The following EPHB2 variants were observed in gnomAD, a reference collection of about 807,000 sequenced individuals.
EPHB2 encodes the protein ephrin type-B receptor 2.
EPHB2 carries 18 observed loss-of-function variants against 96.4 expected under a neutral mutation model. The observed-to-expected ratio is 0.19, with a 90% CI of 0.13 to 0.28. EPHB2 has a LOEUF of 0.28. Ranked by LOEUF, EPHB2 falls within the 10% of genes least tolerant of loss-of-function variation. EPHB2 has a pLI of 1.00. For synonymous variants in EPHB2, 506 were observed against 534.1 expected, an observed-to-expected ratio of 0.95 and a Z score of 0.72; for missense variants, 989 against 1,355.4, an observed-to-expected ratio of 0.73 and a Z score of 4.25.
At chr1:22,823,000 G>C (rs2148476413) in intron 3 of EPHB2, among the ~76,000 whole-genome samples, 1 of 152,310 alleles carries the variant, frequency 6.6e-6, no homozygotes. Flanking sequence ...GAGCCACTGA[G>C]ACCTACATAT....
At chr1:22,873,276 G>C (rs1279721255) in intron 5 of EPHB2, among the ~76,000 whole-genome samples, 1 of 152,168 alleles carries the variant, frequency 6.6e-6, no homozygotes, top group Non-Finnish European at 1.5e-5. Context: ...TGTCACGTTT[G>C]GGGGTTGACT....
intron 3 of EPHB2, among the ~76,000 whole-genome samples, chr1:22,788,031 G>A (rs113645814): frequency 0.013 from 1,988 of 152,334 alleles, 21 homozygotes; most frequent in Middle Eastern, 0.027. Context: ...CAAGACAGAA[G>A]CCACAATCTT....
At chr1:22,884,914 T>C (rs1028278185) in intron 6 of EPHB2, among the ~76,000 whole-genome samples, 2 of 152,214 alleles carry the variant, frequency 1.3e-5, no homozygotes, top group Non-Finnish European at 2.9e-5. Flanking sequence ...GGGTATTTAC[T>C]ACCTCTACAT....
chr1:22,729,994 T>C (rs1643671273), intron 1 of EPHB2, among the ~76,000 whole-genome samples: 1 of 152,252 alleles, frequency 6.6e-6, no homozygotes. Flanking sequence ...GGCAGAGTGC[T>C]GTGACATCCA....
At chr1:22,801,796 C>T (rs1458168156) in intron 3 of EPHB2, among the ~76,000 whole-genome samples, 1 of 152,206 alleles carries the variant, frequency 6.6e-6, no homozygotes, top group Non-Finnish European at 1.5e-5. Flanking sequence ...CCTCGTGCTG[C>T]AGTCTTTGTG....
rs1465154094 is a variant in EPHB2 at position 22,800,678 on chromosome 1, T to C, written c.811+15602T>C. ...GTGAAAATGGGTACTTGTTAGCATA[T>C]GTGAGCCCTATCTGTGTGAGTATAT... On this transcript the variant is annotated intron_variant, in intron 3 of 15. Transcript: ENST00000374630. Among the ~76,000 whole-genome samples, 3 of 149,194 alleles carry C rather than the reference T, an allele frequency of 2.0e-5. 1 individual carries two copies. The highest frequency in any genetic ancestry group is 4.5e-5 in the Non-Finnish European group (3 of 67,042).
intron 7 of EPHB2, among the ~76,000 whole-genome samples, chr1:22,895,203 T>C (rs1017738103): frequency 2.6e-5 from 4 of 152,222 alleles, no homozygotes; most frequent in African/African-American, 9.6e-5. Context: ...TTATTATTGT[T>C]GGTTTTCACA....
intron 1 of EPHB2, among the ~76,000 whole-genome samples, chr1:22,716,904 A>T (rs927433741): frequency 6.6e-6 from 1 of 152,182 alleles, no homozygotes; most frequent in Non-Finnish European, 1.5e-5. Context: ...CACACCTCCG[A>T]CCAAGGACCC....
intron 3 of EPHB2, among the ~76,000 whole-genome samples, chr1:22,792,385 G>T (rs543173150): frequency 6.6e-6 from 1 of 152,160 alleles, no homozygotes; most frequent in Non-Finnish European, 1.5e-5. Flanking sequence ...GGGAGAAGGA[G>T]GGGGGACAGA....
At chr1:22,902,862 G>C (rs1055667371) in intron 9 of EPHB2, among the ~76,000 whole-genome samples, 17 of 152,220 alleles carry the variant, frequency 1.1e-4, no homozygotes, top group African/African-American at 4.1e-4. Context: ...CCTGAGGAGA[G>C]GGTACAGGTC....
chr1:22,791,993 C>T (rs1273720078), intron 3 of EPHB2, among the ~76,000 whole-genome samples: 1 of 152,180 alleles, frequency 6.6e-6, no homozygotes, highest in Non-Finnish European at 1.5e-5. Flanking sequence ...TGTTTGCTGG[C>T]ATGCTCTCCA....
At chr1:22,827,804 C>A (rs1645245772) in intron 3 of EPHB2, among the ~76,000 whole-genome samples, 1 of 152,224 alleles carries the variant, frequency 6.6e-6, no homozygotes, top group Non-Finnish European at 1.5e-5. Flanking sequence ...TCACTCACGC[C>A]TGGAAATGGC....
chr1:22,893,494 C>T (rs1474416994), intron 7 of EPHB2, among the ~76,000 whole-genome samples: 4 of 152,212 alleles, frequency 2.6e-5, no homozygotes, highest in Non-Finnish European at 5.9e-5. Flanking sequence ...GTACTGTCTG[C>T]TCCAGGCAAG....
intron 1 of EPHB2, among the ~76,000 whole-genome samples, chr1:22,728,906 G>A (rs1267933910): frequency 1.3e-5 from 2 of 152,210 alleles, no homozygotes; most frequent in African/African-American, 4.8e-5. Context: ...GTGGCCTGCG[G>A]GAGGAGTGTT....
intron 3 of EPHB2, among the ~76,000 whole-genome samples, chr1:22,850,456 G>A (rs1645609802): frequency 6.6e-6 from 1 of 152,056 alleles, no homozygotes; most frequent in Non-Finnish European, 1.5e-5. Context: ...GCCTTACCTC[G>A]GTGGCCCACT....
chr1:22,748,588 G>A (rs906085066), intron 1 of EPHB2, among the ~76,000 whole-genome samples: 1 of 151,394 alleles, frequency 6.6e-6, no homozygotes, highest in Non-Finnish European at 1.5e-5. Context: ...CACCATGTTG[G>A]TCAGGCTGGT....
intron 1 of EPHB2, among the ~76,000 whole-genome samples, chr1:22,750,114 C>G (rs1644039962): frequency 6.6e-6 from 1 of 152,202 alleles, no homozygotes; most frequent in South Asian, 2.1e-4. Flanking sequence ...AGGGATGTGA[C>G]TTGCCCAAGG....
chr1:22,823,743 G>A (rs972064007), intron 3 of EPHB2, among the ~76,000 whole-genome samples: 3 of 152,260 alleles, frequency 2.0e-5, no homozygotes, highest in Admixed American at 6.5e-5. Flanking sequence ...GGGAACAAAA[G>A]TGAGGATTCC....
At chr1:22,838,965 A>G (rs6688933) in intron 3 of EPHB2, among the ~76,000 whole-genome samples, 41,266 of 151,982 alleles carry the variant, frequency 0.27, 6,421 homozygotes, top group Middle Eastern at 0.42. Context: ...GAAAAAAAGA[A>G]AAAAAGAAAA....
Sources: gnomAD v4.1 joint callset for allele counts (sites outside exome capture counted in the v4.1 genomes callset) on GRCh38, gnomAD v4.1.1 for gene constraint, MANE v1.5 for transcripts, NCBI Gene and HGNC (gene_info 2026-07-23, HGNC 2026-07-21) for gene names.